The following ITGB4 variants were observed in gnomAD, a reference collection of about 807,000 sequenced individuals.
ITGB4 encodes integrin beta-4.
ITGB4 carries 159 observed loss-of-function variants against 207.6 expected under a neutral mutation model. The observed-to-expected ratio is 0.77, with a 90% CI of 0.67 to 0.87. ITGB4 has a LOEUF of 0.87. Ranked by LOEUF, ITGB4 falls within the 40% of genes least tolerant of loss-of-function variation. ITGB4 has a pLI of 0.00. For synonymous variants in ITGB4, 1,020 were observed against 1,062.7 expected, an observed-to-expected ratio of 0.96 and a Z score of 0.78; for missense variants, 2,278 against 2,546.8, an observed-to-expected ratio of 0.89 and a Z score of 2.27.
At position 75,756,555 on chromosome 17, in the gene ITGB4, G is replaced by A. The variant is rs1210671448; in HGVS notation, c.4835G>A (p.Arg1612His). 7 of 1,613,066 alleles carry A rather than the reference G, an allele frequency of 4.3e-6. No individual in the cohort carries two copies. The highest frequency in any genetic ancestry group is 2.2e-5 in the East Asian group (1 of 44,888). ...AGCCAGGAAGGCTGGGGCCGAGAGC[G>A]TGAGGGTGTCATCACCATTGAATCC... Reference protein sequence around the residue: ...AQSQEGWGREREGVITIESQV... With the variant: ...AQSQEGWGREHEGVITIESQV... The change falls in exon 36 of 40, where the codon CGT becomes CAT. Residue 1612 changes from arginine to histidine, a missense_variant. Arg to His is a conservative substitution (Grantham distance 29, BLOSUM62 0). Coordinates refer to ENST00000200181, the MANE Select transcript of ITGB4 (RefSeq NM_000213.5).
At chr17:75,734,359 C>G (rs1277466768) in intron 13 of ITGB4, among the ~76,000 whole-genome samples, 1 of 152,048 alleles carries the variant, frequency 6.6e-6, no homozygotes, top group Non-Finnish European at 1.5e-5. Flanking sequence ...TGGTCTCGAA[C>G]TCCTGACCTC....
At chr17:75,751,368 T>G (rs564074006) in intron 30 of ITGB4, among the ~76,000 whole-genome samples, 1 of 152,280 alleles carries the variant, frequency 6.6e-6, no homozygotes, top group East Asian at 1.9e-4. Context: ...GGCCCAGGGG[T>G]ACCCCTCCCC....
chr17:75,725,241 TG>T (rs1367228811), intron 2 of ITGB4, among the ~76,000 whole-genome samples: 3 of 152,190 alleles, frequency 2.0e-5, no homozygotes, highest in African/African-American at 7.2e-5. Flanking sequence ...ACGACAGAAA[TG>T]TTTACACCAC....
In ITGB4 at chr17:75,727,897, G is replaced by A. The variant is rs754225658; in HGVS notation, c.469+42G>A. ...GTGGAGGACAGCAGGGCAGGAGGGG[G>A]ACAGGTGGGCGTCTGCTTGGGAGGC... On this transcript the variant is annotated intron_variant, in intron 5 of 39. Coordinates refer to ENST00000200181, the MANE Select transcript of ITGB4 (RefSeq NM_000213.5). This position sits in a 1 kb window ranked among gnomAD's most constrained non-coding sequence, Gnocchi z 6.0. 3 of 1,589,532 alleles carry A rather than the reference G, an allele frequency of 1.9e-6. No individual in the cohort carries two copies. Among genetic ancestry groups the A allele is most frequent in the Non-Finnish European group, 1.7e-6 (2 of 1,160,186 alleles).
intron 34 of ITGB4, chr17:75,755,285 G>C: frequency 2.7e-6 from 4 of 1,487,446 alleles, no homozygotes; most frequent in Non-Finnish European, 3.7e-6. Context: ...CATAGCAGCC[G>C]CCAGCTGTGC....
In ITGB4 at chr17:75,731,753, C is replaced by T. The variant is rs751357952; in HGVS notation, c.1216-59C>T. ...TTGGGGGCCGAGGGCCTTCAGGCAT[C>T]GATGGCCCCCTGGTCCTTGGGGCTG... On this transcript the variant is annotated intron_variant, in intron 10 of 39. Transcript: ENST00000200181. The surrounding 1 kb of genome is among the most constrained non-coding windows in gnomAD (Gnocchi z 6.8). 16 of 1,503,550 alleles carry T rather than the reference C, an allele frequency of 1.1e-5. No homozygotes were observed. Among genetic ancestry groups the T allele is most frequent in the East Asian group, 9.9e-5 (4 of 40,466 alleles). The allele number at this position is 1,503,550 out of a possible 1,614,324, so 93.1% of individuals were successfully genotyped here.
chr17:75,723,115 A>G (rs984083206), intron 1 of ITGB4, among the ~76,000 whole-genome samples: 2 of 152,180 alleles, frequency 1.3e-5, no homozygotes, highest in African/African-American at 2.4e-5. Flanking sequence ...GGAGGCTGCC[A>G]TGGAGGTTAA....
intron 30 of ITGB4, 74 bp downstream of exon 30, chr17:75,751,185 G>GCTCC: frequency 1.3e-6 from 2 of 1,555,138 alleles, no homozygotes; most frequent in Non-Finnish European, 1.8e-6. Context: ...GCTGGAGGGA[G>GCTCC]CTCTTGGTCA....
chr17:75,756,958 T>C lies in ITGB4; in HGVS notation c.5069T>C (p.Phe1690Ser). ...CCCTGCTCAGGGCCAGCCACCGCAT[T>C]CCGGGTGGATGGAGACAGCCCCGAG... is the stretch of plus-strand genomic sequence containing the variant. Reference protein sequence around the residue: ...MAQGGGPATAFRVDGDSPESR... With the variant: ...MAQGGGPATASRVDGDSPESR... Residue 1690 changes from phenylalanine to serine, a missense_variant, in exon 38 of 40, where the codon TTC becomes TCC. Transcript: ENST00000200181. 1.2e-6 allele frequency: 2 copies of C among 1,612,548 alleles called. No individual in the cohort carries two copies. Among genetic ancestry groups the C allele is most frequent in the Non-Finnish European group, 1.7e-6 (2 of 1,179,896 alleles).
At chr17:75,724,624 A>G in intron 1 of ITGB4, 70 bp from the exon 2 acceptor site, 1 of 1,137,538 alleles carries the variant, frequency 8.8e-7, no homozygotes, top group Non-Finnish European at 1.3e-6. Flanking sequence ...ACAGCTGTGC[A>G]GCGAGAGGAA....
chr17:75,749,093 G>T lies in ITGB4; in HGVS notation c.3316+48G>T, dbSNP rs370876723. On this transcript the variant is annotated intron_variant, in intron 27 of 39. Coordinates refer to ENST00000200181, the MANE Select transcript of ITGB4 (RefSeq NM_000213.5). ...CTTAAGCAGGAGGAGAGGGAAGACT[G>T]GGGGGTCTCTCAACTAGGTCTGTCA... 1,206 of 1,481,938 alleles carry T rather than the reference G, an allele frequency of 8.1e-4. 22 individuals are homozygous for T. The South Asian group carries it at 0.013, about 16-fold the overall frequency. The allele number at this position is 1,481,938 out of a possible 1,614,324, so 91.8% of individuals were successfully genotyped here.
Position 75,740,949 on chromosome 17 carries a change from A to C in ITGB4, c.2610-33A>C. On this transcript the variant is annotated intron_variant, in intron 22 of 39. Transcript: ENST00000200181. The surrounding 1 kb of genome is among the most constrained non-coding windows in gnomAD (Gnocchi z 5.9). ...CCGATCAGGCCTCCACTTCAGGGCT[A>C]TCTAGCTCACAGCGCCCTCTTTGTC... 1 of 1,614,014 alleles carries C rather than the reference A, an allele frequency of 6.2e-7. No homozygotes were observed. Among genetic ancestry groups the C allele is most frequent in the Non-Finnish European group, 8.5e-7 (1 of 1,180,018 alleles).
At chr17:75,723,631 C>T (rs952802296) in intron 1 of ITGB4, among the ~76,000 whole-genome samples, 28 of 152,266 alleles carry the variant, frequency 1.8e-4, no homozygotes, top group South Asian at 6.2e-4. Context: ...AAGCAGGCTA[C>T]GCCTTCCTGC....
chr17:75,734,102 TG>T (rs1421559680), intron 13 of ITGB4, among the ~76,000 whole-genome samples: 13 of 149,520 alleles, frequency 8.7e-5, no homozygotes, highest in South Asian at 2.1e-4. Flanking sequence ...TAAATTTCTG[TG>T]GGTTTTTTGT....
Position 75,755,861 on chromosome 17 carries a change from G to A in ITGB4, c.4708+11G>A. ...AGCTGCTGAACGGCGGTGAGGCATG[G>A]TGGCTGCCAGGCTGCGGGGTGCAGC... On this transcript the variant is annotated intron_variant, in intron 35 of 39. Coordinates refer to ENST00000200181, the MANE Select transcript of ITGB4 (RefSeq NM_000213.5). 1.2e-6 allele frequency: 2 copies of A among 1,600,426 alleles called. No individual in the cohort carries two copies. The highest frequency in any genetic ancestry group is 2.2e-5 in the South Asian group (2 of 90,798).
intron 1 of ITGB4, among the ~76,000 whole-genome samples, chr17:75,723,360 G>C (rs2060654830): frequency 1.3e-5 from 2 of 152,216 alleles, no homozygotes; most frequent in African/African-American, 4.8e-5. Context: ...ACAGTGGGAG[G>C]AAGAGCTGGG....
At position 75,757,457 on chromosome 17, in the gene ITGB4, T is replaced by TC. The variant is rs1568390575; in HGVS notation, c.5374dup (p.Leu1792ProfsTer21). On this transcript the variant is annotated frameshift_variant, in exon 40 of 40. Transcript: ENST00000200181. LOFTEE classifies it high-confidence loss of function. ...GGCCCAGCACCTGGAGGCAGGCGGC[T>TC]CCCTCACCCGGCATGTGACCCAGGA... 1 of 1,612,396 alleles carries TC rather than the reference T, an allele frequency of 6.2e-7. No individual in the cohort carries two copies. Among genetic ancestry groups the TC allele is most frequent in the Admixed American group, 1.7e-5 (1 of 59,996 alleles).
rs528247999 is a variant in ITGB4, at chr17:75,755,801, C to G, written c.4659C>G (p.Cys1553Trp). 3.1e-5 allele frequency: 50 copies of G among 1,610,234 alleles called. No individual in the cohort carries two copies. In the South Asian group the frequency reaches 5.4e-4, roughly 17 times the overall value. ...SLRVSWQEPR[C>W]ERPLQGYSVE... ...GAGTGAGCTGGCAGGAGCCGCGGTGCGAGCGGCCGCTGCAGGGCTACAGTG... is the reference window on the plus strand; with the variant it reads ...GAGTGAGCTGGCAGGAGCCGCGGTGGGAGCGGCCGCTGCAGGGCTACAGTG... The change falls in exon 35 of 40, where the codon TGC becomes TGG. Residue 1553 changes from cysteine to tryptophan, a missense_variant. Coordinates refer to ENST00000200181, the MANE Select transcript of ITGB4 (RefSeq NM_000213.5).
Position 75,730,482 on chromosome 17 carries a change from A to G in ITGB4, c.980A>G (p.Asn327Ser), listed in dbSNP as rs777278787. ...HNIIPIFAVT[N>S]YSYSYYEKLH... The stretch of plus-strand genomic sequence containing the variant: ...ATCATCCCCATCTTTGCTGTCACCA[A>G]CTACTCCTATAGCTACTACGAGGTG... The change falls in exon 8 of 40, where the codon AAC (asparagine) becomes AGC (serine). Residue 327 changes from asparagine to serine, a missense_variant. Transcript: ENST00000200181. 1.7e-5 allele frequency: 28 copies of G among 1,613,816 alleles called. No individual in the cohort carries two copies. Among genetic ancestry groups the G allele is most frequent in the East Asian group, 6.7e-5 (3 of 44,878 alleles).
Sources: gnomAD v4.1 joint callset for allele counts (sites outside exome capture counted in the v4.1 genomes callset) on GRCh38, gnomAD v4.1.1 for gene constraint, Gnocchi (gnomAD v3.1) non-coding constraint, MANE v1.5 for transcripts, NCBI Gene and HGNC (gene_info 2026-07-23, HGNC 2026-07-21) for gene names.